The following SPMAP2L variants were observed in gnomAD, a reference collection of about 807,000 sequenced individuals.
SPMAP2L encodes the protein sperm microtubule associated protein 2 like, also known as sperm microtubule associated protein 2-like.
the SPMAP2L span, among the ~76,000 whole-genome samples, chr4:56,562,239 A>T: frequency 2.0e-5 from 3 of 152,180 alleles, no homozygotes; most frequent in Non-Finnish European, 4.4e-5. Context: ...AAGGAGGAGA[A>T]AAAAGCTGAA....
At chr4:56,592,803 C>CGCGGCCAAG in the SPMAP2L span, among the ~76,000 whole-genome samples, 2 of 151,756 alleles carry the variant, frequency 1.3e-5, no homozygotes, top group South Asian at 4.1e-4. Flanking sequence ...GCGGCTGGGG[C>CGCGGCCAAG]CTCGCGCCTC....
the SPMAP2L span, among the ~76,000 whole-genome samples, chr4:56,541,731 C>T: frequency 4.0e-3 from 603 of 152,252 alleles, 3 homozygotes; most frequent in Middle Eastern, 6.8e-3. Flanking sequence ...CCTCAGTATG[C>T]ATCTCTAATT....
At chr4:56,587,265 CATTGATTG>C in the SPMAP2L span, among the ~76,000 whole-genome samples, 6 of 150,798 alleles carry the variant, frequency 4.0e-5, no homozygotes, top group South Asian at 2.1e-4. Context: ...TTCCTTGGTC[CATTGATTG>C]ATTGATTGAT....
chr4:56,611,000 G>A, the SPMAP2L span, among the ~76,000 whole-genome samples: 1 of 152,190 alleles, frequency 6.6e-6, no homozygotes, highest in Non-Finnish European at 1.5e-5. Context: ...TCATGGGAAT[G>A]CAAACTAGCA....
the SPMAP2L span, chr4:56,530,635 C>T: frequency 6.6e-7 from 1 of 1,515,012 alleles, no homozygotes. Flanking sequence ...GGCAACCAGT[C>T]GGGAGGGTGA....
the SPMAP2L span, among the ~76,000 whole-genome samples, chr4:56,580,998 T>G: frequency 3.9e-5 from 6 of 152,234 alleles, no homozygotes; most frequent in East Asian, 1.2e-3. Context: ...CTGAGTTTAA[T>G]AAGCCAGTCA....
chr4:56,584,084 A>C, the SPMAP2L span, among the ~76,000 whole-genome samples: 1 of 151,944 alleles, frequency 6.6e-6, no homozygotes, highest in South Asian at 2.1e-4. Context: ...CTCCCGCCTC[A>C]GCCTTGCAAG....
the SPMAP2L span, among the ~76,000 whole-genome samples, chr4:56,560,450 G>A: frequency 1.6e-4 from 24 of 152,278 alleles, no homozygotes; most frequent in East Asian, 2.7e-3. Flanking sequence ...CAAATGTGGA[G>A]TTGTCCTCTC....
At chr4:56,579,863 A>G in the SPMAP2L span, among the ~76,000 whole-genome samples, 1 of 152,230 alleles carries the variant, frequency 6.6e-6, no homozygotes. Flanking sequence ...TATTATAAAG[A>G]CAAACTACTG....
chr4:56,597,271 G>C, the SPMAP2L span, among the ~76,000 whole-genome samples: 2 of 152,182 alleles, frequency 1.3e-5, no homozygotes, highest in East Asian at 3.9e-4. Context: ...AGGTGAGCTA[G>C]AGAATTCTGG....
At chr4:56,550,812 G>A in the SPMAP2L span, among the ~76,000 whole-genome samples, 131 of 152,180 alleles carry the variant, frequency 8.6e-4, no homozygotes, top group African/African-American at 2.9e-3. Flanking sequence ...TTATGCAAAT[G>A]TGCTGTGCCT....
the SPMAP2L span, among the ~76,000 whole-genome samples, chr4:56,576,181 A>C: frequency 6.6e-6 from 1 of 152,210 alleles, no homozygotes; most frequent in East Asian, 1.9e-4. Context: ...CTGGACATGT[A>C]TGTGCAGTTA....
At chr4:56,534,295 G>A in the SPMAP2L span, among the ~76,000 whole-genome samples, 1 of 152,084 alleles carries the variant, frequency 6.6e-6, no homozygotes, top group African/African-American at 2.4e-5. Flanking sequence ...TTACTCATTT[G>A]ACACATTAAC....
chr4:56,541,405 C>G, the SPMAP2L span, among the ~76,000 whole-genome samples: 23 of 152,144 alleles, frequency 1.5e-4, no homozygotes, highest in African/African-American at 5.5e-4. Context: ...TTAATTTTTT[C>G]ACTTGCATAT....
chr4:56,620,107 A>G, the SPMAP2L span, among the ~76,000 whole-genome samples: 36 of 152,324 alleles, frequency 2.4e-4, no homozygotes, highest in African/African-American at 8.2e-4. Context: ...GCGAGGCTGT[A>G]AATCCTGCAT....
At chr4:56,605,937 C>A in the SPMAP2L span, among the ~76,000 whole-genome samples, 1 of 152,154 alleles carries the variant, frequency 6.6e-6, no homozygotes, top group African/African-American at 2.4e-5. Context: ...AGTTGTTTAT[C>A]ACTCTGTAAC....
chr4:56,584,468 T>C, the SPMAP2L span: 3 of 1,415,724 alleles, frequency 2.1e-6, no homozygotes, highest in Non-Finnish European at 1.9e-6. Flanking sequence ...CCAACAGTTA[T>C]AATATTTCAT....
At chr4:56,547,242 CTTT>C in the SPMAP2L span, among the ~76,000 whole-genome samples, 328 of 125,924 alleles carry the variant, frequency 2.6e-3, no homozygotes, top group Middle Eastern at 4.3e-3. Context: ...TACTAATTCT[CTTT>C]TTTTTTTTTT....
At chr4:56,553,095 A>T in the SPMAP2L span, among the ~76,000 whole-genome samples, 1 of 144,004 alleles carries the variant, frequency 6.9e-6, no homozygotes, top group South Asian at 2.3e-4. Flanking sequence ...CTGGACCCTT[A>T]GTCCTTTCAC....
Sources: allele counts gnomAD v4.1 joint callset (sites outside exome capture counted in the v4.1 genomes callset), GRCh38; gene constraint gnomAD v4.1.1; transcripts MANE v1.5; gene names NCBI Gene and HGNC (gene_info 2026-07-23, HGNC 2026-07-21).